The following KCNN2 variants were observed in gnomAD, a reference collection of about 807,000 sequenced individuals.
The protein encoded by KCNN2 is potassium calcium-activated channel subfamily N member 2.
A neutral mutation model predicts 55.5 loss-of-function variants in KCNN2; 24 were observed. The observed-to-expected ratio is 0.43, with a 90% CI of 0.31 to 0.61. KCNN2 has a LOEUF of 0.61. Among genes scored for constraint, KCNN2 ranks in the 20% least tolerant of loss-of-function variants. The pLI is 0.08. For missense variants in KCNN2, 754 were observed against 853.6 expected (o/e 0.88, Z 1.45); for synonymous variants, 431 against 336.1 (o/e 1.28, Z -3.09).
Position 114,128,486 on chromosome 5 carries a change from G to A in KCNN2, c.-271+71986G>A, listed in dbSNP as rs181256648. 4.1e-4 allele frequency among the ~76,000 whole-genome samples: 63 copies of A among 152,264 alleles called. 1 individual carries two copies. The highest frequency in any genetic ancestry group is 1.2e-4 in the Non-Finnish European group (8 of 68,016). ...CACCTAGTCTCTCGCATGACATGTGGGGATTATGGGAACTACAATTCAAGA... is the reference window on the plus strand; with the variant it reads ...CACCTAGTCTCTCGCATGACATGTGAGGATTATGGGAACTACAATTCAAGA... On this transcript the variant is annotated intron_variant, in intron 1 of 10. Transcript: ENST00000512097.
At chr5:114,482,807 A>G (rs542373982) in intron 5 of KCNN2, among the ~76,000 whole-genome samples, 24 of 152,332 alleles carry the variant, frequency 1.6e-4, no homozygotes, top group African/African-American at 5.8e-4. Context: ...GTTCTGACTT[A>G]TAAGTGACAG....
chr5:114,331,872 A>G (rs12513997), intron 2 of KCNN2, among the ~76,000 whole-genome samples: 45,064 of 152,090 alleles, frequency 0.3, 7,053 homozygotes, highest in Non-Finnish European at 0.35. Flanking sequence ...ATTTTTAAAT[A>G]TATATTGAGC....
At chr5:114,081,426 G>A (rs953627641) in intron 1 of KCNN2, among the ~76,000 whole-genome samples, 1 of 152,032 alleles carries the variant, frequency 6.6e-6, no homozygotes, top group Non-Finnish European at 1.5e-5. Flanking sequence ...GTGTAGTACT[G>A]GCATACAGAC....
chr5:114,293,202 GC>G (rs1249840164), intron 2 of KCNN2, among the ~76,000 whole-genome samples: 1 of 152,116 alleles, frequency 6.6e-6, no homozygotes, highest in African/African-American at 2.4e-5. Flanking sequence ...CTGCCTGACT[GC>G]CCTGGCCAGC....
chr5:114,440,011 C>G (rs1262822250), intron 3 of KCNN2, among the ~76,000 whole-genome samples: 2 of 152,132 alleles, frequency 1.3e-5, no homozygotes, highest in Non-Finnish European at 2.9e-5. Flanking sequence ...CATACCTTGA[C>G]TCAGGTTCAG....
chr5:114,267,229 G>A (rs7729666), intron 2 of KCNN2, among the ~76,000 whole-genome samples: 129,791 of 152,066 alleles, frequency 0.85, 55,495 homozygotes, highest in East Asian at 0.94. Flanking sequence ...TCTTGACCTC[G>A]TGATCCACCC....
intron 1 of KCNN2, among the ~76,000 whole-genome samples, chr5:114,168,345 A>C (rs1164527194): frequency 6.6e-6 from 1 of 152,078 alleles, no homozygotes; most frequent in African/African-American, 2.4e-5. Flanking sequence ...TTAATTAAAT[A>C]CTTCAAAATA....
intron 3 of KCNN2, among the ~76,000 whole-genome samples, chr5:114,461,925 T>A (rs547077065): frequency 9.2e-5 from 14 of 152,106 alleles, no homozygotes; most frequent in Non-Finnish European, 1.6e-4. Context: ...TATCAGTATA[T>A]TTTGCAGAGC....
At chr5:114,203,883 C>T (rs544748635) in intron 1 of KCNN2, among the ~76,000 whole-genome samples, 34 of 152,314 alleles carry the variant, frequency 2.2e-4, no homozygotes, top group Admixed American at 1.8e-3. Flanking sequence ...ACTGGTGGAA[C>T]GGATCACATG....
intron 2 of KCNN2, among the ~76,000 whole-genome samples, chr5:114,373,461 C>G (rs1032567417): frequency 6.6e-6 from 1 of 150,578 alleles, no homozygotes; most frequent in Non-Finnish European, 1.5e-5. Flanking sequence ...CAATAGGACT[C>G]TCCTTTGTGT....
At chr5:114,171,661 C>T (rs1753035693) in intron 1 of KCNN2, among the ~76,000 whole-genome samples, 1 of 126,252 alleles carries the variant, frequency 7.9e-6, no homozygotes, top group South Asian at 3.0e-4. Flanking sequence ...AATTCCAGAG[C>T]CTCGCTTTTC....
At chr5:114,474,158 C>A (rs1274173672) in intron 5 of KCNN2, among the ~76,000 whole-genome samples, 1 of 152,096 alleles carries the variant, frequency 6.6e-6, no homozygotes, top group Non-Finnish European at 1.5e-5. Flanking sequence ...TTCACTCACT[C>A]TTGATTTTGG....
At position 114,145,316 on chromosome 5, in the gene KCNN2, A is replaced by T. The variant is rs1180486220; in HGVS notation, c.-270-76164A>T. ...TATAGTGAGAAGAATTAAATAACAC[A>T]GTTCCTTCTGAACTAACACAATCCT... On this transcript the variant is annotated intron_variant, in intron 1 of 10. Coordinates refer to the KCNN2 transcript ENST00000512097. 2.0e-5 allele frequency among the ~76,000 whole-genome samples: 3 copies of T among 152,232 alleles called. No homozygotes were observed. The East Asian group carries it at 5.8e-4, about 29-fold the overall frequency.
intron 2 of KCNN2, among the ~76,000 whole-genome samples, chr5:114,365,976 T>C (rs1233406103): frequency 2.0e-5 from 3 of 152,208 alleles, no homozygotes; most frequent in Non-Finnish European, 4.4e-5. Context: ...CTTGAAAACA[T>C]TGACTCTTTA....
intron 2 of KCNN2, among the ~76,000 whole-genome samples, chr5:114,310,967 A>T (rs1580712927): frequency 1.3e-5 from 2 of 152,060 alleles, no homozygotes; most frequent in Admixed American, 1.3e-4. Context: ...ATCAAAGTCT[A>T]CCCTCTTTTG....
chr5:114,463,103 A>G lies in KCNN2; in HGVS notation c.1692A>G (p.Ile564Met). ...ACTTCCTTGGAGCGATGTGGTTGAT[A>G]TCAATAACTTTTCTCTCCATTGGTT... is the stretch of plus-strand genomic sequence containing the variant. ...TSNFLGAMWL[I>M]SITFLSIGYG... Residue 564 changes from isoleucine (I) to methionine (M), a missense_variant, in exon 4 of 8, where the codon ATA (isoleucine) becomes ATG (methionine). Physicochemically the swap from Ile to Met is conservative, Grantham distance 10. Transcript: ENST00000673685. 1 of 1,613,812 alleles carries G rather than the reference A, an allele frequency of 6.2e-7. No homozygotes were observed. Among genetic ancestry groups the G allele is most frequent in the African/African-American group, 1.3e-5 (1 of 75,040 alleles).
chr5:114,419,873 C>T (rs1378417566), intron 3 of KCNN2, among the ~76,000 whole-genome samples: 2 of 152,190 alleles, frequency 1.3e-5, no homozygotes, highest in Admixed American at 6.5e-5. Context: ...TGGCATGTGC[C>T]TTCAGGCCCA....
At chr5:114,264,269 T>C (rs1316844254) in intron 2 of KCNN2, among the ~76,000 whole-genome samples, 1 of 152,040 alleles carries the variant, frequency 6.6e-6, no homozygotes, top group African/African-American at 2.4e-5. Flanking sequence ...TGGTACCCTT[T>C]CTGTATATGA....
chr5:114,327,379 C>T (rs1334965209), intron 2 of KCNN2, among the ~76,000 whole-genome samples: 1 of 152,188 alleles, frequency 6.6e-6, no homozygotes, highest in African/African-American at 2.4e-5. Context: ...CTAGAATGTC[C>T]TTCACTAGAC....
Sources: allele counts gnomAD v4.1 joint callset (sites outside exome capture counted in the v4.1 genomes callset), GRCh38; gene constraint gnomAD v4.1.1; transcripts MANE v1.5; gene names NCBI Gene and HGNC (gene_info 2026-07-23, HGNC 2026-07-21).